The following PSMA8 variants were observed in gnomAD, a reference collection of about 807,000 sequenced individuals.
PSMA8 encodes the protein proteasome 20S subunit alpha 8.
Under a neutral mutation model 32.4 loss-of-function variants are expected in PSMA8, and 18 were observed. The observed-to-expected ratio is 0.56, with a 90% CI of 0.38 to 0.82. PSMA8 has a LOEUF of 0.82. PSMA8 is among the 40% of genes least tolerant of loss of function. The pLI is 0.00. For missense variants in PSMA8, 298 were observed against 300.7 expected (o/e 0.99, Z 0.07); for synonymous variants, 104 against 98.1 (o/e 1.06, Z -0.36).
At chr18:26,188,712 C>T (rs1027792449) in intron 6 of PSMA8, among the ~76,000 whole-genome samples, 5 of 151,958 alleles carry the variant, frequency 3.3e-5, no homozygotes, top group African/African-American at 1.2e-4. Flanking sequence ...AACTCATTTT[C>T]GACAGAGGTG....
chr18:26,179,732 A>G (rs1463715678), intron 6 of PSMA8, among the ~76,000 whole-genome samples: 1 of 152,136 alleles, frequency 6.6e-6, no homozygotes, highest in Non-Finnish European at 1.5e-5. Context: ...AGCTCTCTTT[A>G]GCTGAGATTG....
intron 4 of PSMA8, among the ~76,000 whole-genome samples, chr18:26,178,154 G>A (rs965135439): frequency 6.6e-6 from 1 of 152,320 alleles, no homozygotes; most frequent in African/African-American, 2.4e-5. Flanking sequence ...GAAGGCCAAG[G>A]CTACAGTGAG....
At chr18:26,140,219 G>T (rs1444061411) in intron 1 of PSMA8, 1 of 687,280 alleles carries the variant, frequency 1.5e-6, no homozygotes, top group Non-Finnish European at 2.7e-6. Flanking sequence ...CTGGCGTGAT[G>T]CCTAGGTCAG....
In PSMA8 at chr18:26,179,089, A is replaced by T. The variant is rs1190887269; in HGVS notation, c.619A>T (p.Asn207Tyr). ...LLEVVQSGGK[N>Y]IELAIIRRNQ... Reference sequence around the variant, plus strand: ...TTAGGTTGTCCAGTCTGGTGGAAAAAACATTGAACTTGCTATAATAAGAAG... The same window carrying T: ...TTAGGTTGTCCAGTCTGGTGGAAAATACATTGAACTTGCTATAATAAGAAG... The change falls in exon 6 of 7, where the codon AAC becomes TAC. Residue 207 changes from asparagine to tyrosine, a missense_variant. By Grantham distance (143) the Asn-to-Tyr change is moderately radical (BLOSUM62 -2). Transcript: ENST00000415576. 6.2e-7 allele frequency: 1 copy of T among 1,613,162 alleles called. No individual in the cohort carries two copies. The highest frequency in any genetic ancestry group is 8.5e-7 in the Non-Finnish European group (1 of 1,179,536).
Position 26,192,584 on chromosome 18 carries a change from A to G in PSMA8, c.*173A>G. The G allele has an allele frequency of 1.5e-6, 1 of 650,548 alleles. No individual in the cohort carries two copies. The highest frequency in any genetic ancestry group is 2.2e-6 in the Non-Finnish European group (1 of 456,136). The allele number at this position is 650,548 out of a possible 1,614,324, so 40.3% of individuals were successfully genotyped here. A position where few individuals can be genotyped will look rare whatever the true frequency, so the allele number is the denominator to read the frequency against. Reference sequence around the variant, plus strand: ...TCTTCATTCTATTACATAGTCAAACATAGGTTTATGTGAAGATTTTCTTTG... The same window carrying G: ...TCTTCATTCTATTACATAGTCAAACGTAGGTTTATGTGAAGATTTTCTTTG... On this transcript the variant is annotated 3_prime_UTR_variant, in exon 7 of 7. Transcript: ENST00000415576.
At chr18:26,163,213 G>GTGTGTGTATATA (rs1420987062) in intron 4 of PSMA8, among the ~76,000 whole-genome samples, 1 of 80,912 alleles carries the variant, frequency 1.2e-5, no homozygotes, top group African/African-American at 5.2e-5. Flanking sequence ...ATGTGTGTGT[G>GTGTGTGTATATA]TATATATATA....
At chr18:26,175,580 T>G (rs2055257616) in intron 4 of PSMA8, among the ~76,000 whole-genome samples, 1 of 152,022 alleles carries the variant, frequency 6.6e-6, no homozygotes, top group Admixed American at 6.6e-5. Flanking sequence ...CCCAAGGGAG[T>G]TAAGAGCTGA....
chr18:26,185,257 A>T (rs2055343926), intron 6 of PSMA8, among the ~76,000 whole-genome samples: 1 of 150,418 alleles, frequency 6.6e-6, no homozygotes, highest in African/African-American at 2.5e-5. Context: ...AAACAAAAAA[A>T]CTCCAACTCA....
In PSMA8 at chr18:26,188,964, C is replaced by T. The variant is rs192245236; in HGVS notation, c.661-3355C>T. ...TTGAGTAGTACCCTACAAACACAGG[C>T]AACCAAAGCAAAAATGGACAAATAG... is the stretch of plus-strand genomic sequence containing the variant. On this transcript the variant is annotated intron_variant, in intron 6 of 6. Coordinates refer to ENST00000415576, the MANE Select transcript of PSMA8 (RefSeq NM_001025096.2). Among the ~76,000 whole-genome samples, 110 of 152,180 alleles carry T rather than the reference C, an allele frequency of 7.2e-4. 1 individual carries two copies. The highest frequency in any genetic ancestry group is 6.8e-3 in the Middle Eastern group (2 of 294).
At chr18:26,136,198 T>C (rs752464747) in intron 1 of PSMA8, among the ~76,000 whole-genome samples, 1 of 152,228 alleles carries the variant, frequency 6.6e-6, no homozygotes, top group Non-Finnish European at 1.5e-5. Flanking sequence ...TGTTTTCTTT[T>C]TGCTTCAGTT....
At chr18:26,155,425 C>G (rs2055081010) in intron 3 of PSMA8, among the ~76,000 whole-genome samples, 1 of 152,056 alleles carries the variant, frequency 6.6e-6, no homozygotes, top group Non-Finnish European at 1.5e-5. Flanking sequence ...ATACAGTAAC[C>G]AAAATAGCAT....
chr18:26,141,371 AT>A (rs1208233724), intron 1 of PSMA8, among the ~76,000 whole-genome samples: 1 of 152,126 alleles, frequency 6.6e-6, no homozygotes, highest in Non-Finnish European at 1.5e-5. Context: ...GGTACTTTTA[AT>A]TTCTTTACTA....
intron 6 of PSMA8, among the ~76,000 whole-genome samples, chr18:26,190,045 AAGAC>A (rs1490879331): frequency 1.3e-5 from 2 of 152,214 alleles, no homozygotes; most frequent in Admixed American, 6.5e-5. Context: ...CAGGCATGGA[AAGAC>A]AGACATTGCA....
intron 4 of PSMA8, among the ~76,000 whole-genome samples, chr18:26,175,089 A>G (rs901517719): frequency 1.3e-5 from 2 of 152,198 alleles, no homozygotes; most frequent in African/African-American, 4.8e-5. Flanking sequence ...TGTTGTTTAT[A>G]CTTCAAAATA....
At chr18:26,180,886 C>T (rs1020822566) in intron 6 of PSMA8, among the ~76,000 whole-genome samples, 2 of 152,178 alleles carry the variant, frequency 1.3e-5, no homozygotes, top group Admixed American at 6.5e-5. Context: ...CCAGCAGATA[C>T]ATTTGTTTAA....
At chr18:26,159,906 A>T (rs1598654485) in intron 4 of PSMA8, among the ~76,000 whole-genome samples, 1 of 136,288 alleles carries the variant, frequency 7.3e-6, no homozygotes, top group African/African-American at 3.6e-5. Flanking sequence ...CGCAGCTTTT[A>T]AAAAAAATCA....
chr18:26,134,209 T>C, intron 1 of PSMA8, 142 bp downstream of exon 1: 1 of 630,000 alleles, frequency 1.6e-6, no homozygotes, highest in Non-Finnish European at 2.8e-6. Context: ...GTTCTTTTTA[T>C]TTAGGGAGAC....
intron 1 of PSMA8, among the ~76,000 whole-genome samples, chr18:26,139,591 A>G (rs2054938175): frequency 6.6e-6 from 1 of 152,176 alleles, no homozygotes; most frequent in African/African-American, 2.4e-5. Flanking sequence ...CCCTGTTAAA[A>G]ACCTATATTG....
chr18:26,169,524 T>C lies in PSMA8; in HGVS notation c.478-9306T>C, dbSNP rs554879469. Among the ~76,000 whole-genome samples, 3 of 130,138 alleles carry C rather than the reference T, an allele frequency of 2.3e-5. 1 individual carries two copies. The highest frequency in any genetic ancestry group is 1.3e-4 in the African/African-American group (3 of 23,688). 85.4% of individuals were successfully genotyped at this position (130,138 alleles called of 152,430 possible). A position where few individuals can be genotyped will look rare whatever the true frequency, so the allele number is the denominator to read the frequency against. ...TACTTCAAATAAACCATGTGTGGCC[T>C]TATACTTTTTACTACATAAAAAGAA... On this transcript the variant is annotated intron_variant, in intron 4 of 6. Transcript: ENST00000415576.
Sources: gnomAD v4.1 joint callset for allele counts (sites outside exome capture counted in the v4.1 genomes callset) on GRCh38, gnomAD v4.1.1 for gene constraint, MANE v1.5 for transcripts, NCBI Gene and HGNC (gene_info 2026-07-23, HGNC 2026-07-21) for gene names.